Variants in ERC2 observed in about 807,000 individuals in gnomAD.
ERC2 encodes ERC protein 2.
In ERC2, 42 loss-of-function variants were observed where a neutral mutation model predicts 114.8. That is an observed-to-expected ratio of 0.37 (90% CI 0.29 to 0.47). The LOEUF is 0.47. Among genes scored for constraint, ERC2 ranks in the 20% least tolerant of loss-of-function variants. ERC2 has a pLI of 0.99. For synonymous variants in ERC2, 454 were observed against 425.5 expected (o/e 1.07, Z -0.82); for missense variants, 939 against 1,150.7 (o/e 0.82, Z 2.66).
intron 7 of ERC2, among the ~76,000 whole-genome samples, chr3:56,047,043 G>T (rs1378182484): frequency 1.3e-5 from 2 of 152,018 alleles, no homozygotes; most frequent in Non-Finnish European, 2.9e-5. Flanking sequence ...CATAAACCCG[G>T]GCTTCTTTTC....
At chr3:55,576,750 C>G (rs919661325) in intron 17 of ERC2, among the ~76,000 whole-genome samples, 2 of 152,268 alleles carry the variant, frequency 1.3e-5, no homozygotes, top group African/African-American at 4.8e-5. Flanking sequence ...GCCCCGTCCT[C>G]GTGCCTAGCC....
rs144604442 is a variant in ERC2 at position 55,926,252 on chromosome 3, G to C, written c.2403+24173C>G. ...TAAAAAGACATGTAGGATAGAAAAA[G>C]ACAAAAATGAACAGCAAAACGTCCA... On this transcript the variant is annotated intron_variant, in intron 13 of 17. Coordinates refer to ENST00000288221, the MANE Select transcript of ERC2 (RefSeq NM_015576.3). Among the ~76,000 whole-genome samples, 9 of 152,080 alleles carry C rather than the reference G, an allele frequency of 5.9e-5. No individual in the cohort carries two copies. In the East Asian group the frequency reaches 9.7e-4, roughly 16 times the overall value.
chr3:55,860,922 C>T (rs925733396), intron 14 of ERC2, among the ~76,000 whole-genome samples: 22 of 152,006 alleles, frequency 1.4e-4, no homozygotes, highest in Admixed American at 4.6e-4. Flanking sequence ...CCTGGATAAA[C>T]GGGGGTAAAA....
intron 3 of ERC2, among the ~76,000 whole-genome samples, chr3:56,192,261 A>T (rs1204253410): frequency 6.6e-6 from 1 of 152,134 alleles, no homozygotes; most frequent in Non-Finnish European, 1.5e-5. Context: ...CCCAAGGTTG[A>T]CACTCCCCAT....
intron 2 of ERC2, among the ~76,000 whole-genome samples, chr3:56,397,110 G>A (rs770572229): frequency 1.3e-5 from 2 of 152,146 alleles, no homozygotes; most frequent in Non-Finnish European, 2.9e-5. Flanking sequence ...GCAGCATGTC[G>A]GGGCTTTTAA....
At chr3:56,313,028 A>ATATATATATATATATATATATATC (rs2056678224) in intron 2 of ERC2, among the ~76,000 whole-genome samples, 1 of 132,554 alleles carries the variant, frequency 7.5e-6, no homozygotes, top group Non-Finnish European at 1.6e-5. Flanking sequence ...ATATATATAT[A>ATATATATATATATATATATATATC]TATATATATG....
chr3:55,789,227 G>C (rs2069776886), intron 14 of ERC2, among the ~76,000 whole-genome samples: 1 of 152,190 alleles, frequency 6.6e-6, no homozygotes, highest in African/African-American at 2.4e-5. Flanking sequence ...CCTGCAAAAA[G>C]GCAGAAAAGC....
chr3:56,166,937 C>A (rs2082351458), intron 4 of ERC2, among the ~76,000 whole-genome samples: 2 of 151,888 alleles, frequency 1.3e-5, no homozygotes. Flanking sequence ...CCTTCTTTTT[C>A]TACTGGTTTA....
intron 14 of ERC2, among the ~76,000 whole-genome samples, chr3:55,820,181 A>G (rs2060069051): frequency 6.6e-6 from 1 of 152,124 alleles, no homozygotes; most frequent in South Asian, 2.1e-4. Context: ...TGGGGTTAGG[A>G]GTTCCTTCTG....
chr3:55,545,521 G>A (rs1026361370), intron 17 of ERC2, among the ~76,000 whole-genome samples: 41 of 152,186 alleles, frequency 2.7e-4, no homozygotes, highest in Admixed American at 2.0e-3. Flanking sequence ...TTGTAAATGG[G>A]GAAGAGTTGA....
At chr3:55,786,057 GA>G (rs1388345272) in intron 14 of ERC2, among the ~76,000 whole-genome samples, 1 of 152,068 alleles carries the variant, frequency 6.6e-6, no homozygotes, top group Non-Finnish European at 1.5e-5. Context: ...TTAGATGTGG[GA>G]TTTTTTTTCA....
chr3:56,083,277 C>T (rs1207126180), intron 6 of ERC2, among the ~76,000 whole-genome samples: 2 of 152,172 alleles, frequency 1.3e-5, no homozygotes, highest in Non-Finnish European at 1.5e-5. Flanking sequence ...AAAAGCACCC[C>T]GAGTGAAAGA....
At position 55,598,544 on chromosome 3, in the gene ERC2, T is replaced by C. The variant is rs145690085; in HGVS notation, c.*39+85250A>G. Among the ~76,000 whole-genome samples the C allele has an allele frequency of 3.9e-5, 6 of 152,370 alleles. No individual in the cohort carries two copies. In the South Asian group the frequency reaches 6.2e-4, roughly 16 times the overall value. On this transcript the variant is annotated intron_variant, in intron 17 of 17. Transcript: ENST00000288221. ...GTCACTAGCATTTCAGACACCTGCA[T>C]AGTCAACTTGATTCTTTTGCACTGC...
intron 14 of ERC2, among the ~76,000 whole-genome samples, chr3:55,849,091 G>C (rs1340991425): frequency 1.3e-5 from 2 of 152,122 alleles, no homozygotes; most frequent in Non-Finnish European, 2.9e-5. Flanking sequence ...TCAAAACATG[G>C]TCTGCATTCT....
At chr3:56,441,908 G>T (rs114794153) in intron 1 of ERC2, among the ~76,000 whole-genome samples, 1 of 152,228 alleles carries the variant, frequency 6.6e-6, no homozygotes, top group Admixed American at 6.5e-5. Context: ...ATACAGTGGC[G>T]TGTGCCTGTA....
At chr3:55,731,640 G>A (rs940792030) in intron 15 of ERC2, among the ~76,000 whole-genome samples, 12 of 152,164 alleles carry the variant, frequency 7.9e-5, no homozygotes, top group African/African-American at 2.9e-4. Context: ...ATTTGGCAAA[G>A]GGTCTCCTTA....
chr3:56,446,625 C>CTTTTTTTTTTTT (rs1318263302), intron 1 of ERC2, among the ~76,000 whole-genome samples: 2 of 112,360 alleles, frequency 1.8e-5, no homozygotes, highest in Non-Finnish European at 3.5e-5. Context: ...TTTTTTTTTT[C>CTTTTTTTTTTTT]TTTCTTTTTT....
chr3:56,236,310 T>C (rs9873480), intron 3 of ERC2, among the ~76,000 whole-genome samples: 42,598 of 151,858 alleles, frequency 0.28, 6,479 homozygotes, highest in Non-Finnish European at 0.33. Flanking sequence ...TGAGAAACCA[T>C]ATCCACTCGA....
chr3:56,100,479 T>C (rs1055335425), intron 6 of ERC2, among the ~76,000 whole-genome samples: 7 of 152,204 alleles, frequency 4.6e-5, no homozygotes, highest in Admixed American at 2.0e-4. Flanking sequence ...GTGACTTCAC[T>C]TTATACAGCG....
Sources: allele counts gnomAD v4.1 joint callset (sites outside exome capture counted in the v4.1 genomes callset), GRCh38; gene constraint gnomAD v4.1.1; transcripts MANE v1.5; gene names NCBI Gene and HGNC (gene_info 2026-07-23, HGNC 2026-07-21).